The following HPSE2 variants were observed in gnomAD, a reference collection of about 807,000 sequenced individuals.
HPSE2 encodes inactive heparanase-2.
In HPSE2, 38 loss-of-function variants were observed where a neutral mutation model predicts 60.5. The ratio of observed to expected loss-of-function variants is 0.63; its 90% CI spans 0.48 to 0.82. The LOEUF is 0.82. Among genes scored for constraint, HPSE2 ranks in the 40% least tolerant of loss-of-function variants. The probability of loss-of-function intolerance (pLI) is 0.00; values close to 1 mark genes in which losing one functional copy is unlikely to be tolerated. For missense variants in HPSE2, 713 were observed against 740.4 expected (o/e 0.96, Z 0.43); for synonymous variants, 295 against 293.2 (o/e 1.01, Z -0.06).
At chr10:98,541,485 A>G (rs925937990) in intron 9 of HPSE2, among the ~76,000 whole-genome samples, 2 of 152,190 alleles carry the variant, frequency 1.3e-5, no homozygotes. Flanking sequence ...TGGGTGCAGC[A>G]CACCGTGCGC....
intron 3 of HPSE2, among the ~76,000 whole-genome samples, chr10:99,022,335 C>T (rs766729426): frequency 6.6e-6 from 1 of 152,170 alleles, no homozygotes; most frequent in Non-Finnish European, 1.5e-5. Context: ...CCAATCCCAG[C>T]TGTCTGAACT....
the HPSE2 span, among the ~76,000 whole-genome samples, chr10:99,264,990 A>G: frequency 2.6e-5 from 4 of 152,164 alleles, no homozygotes; most frequent in Non-Finnish European, 5.9e-5. Flanking sequence ...ATATAAGAAG[A>G]CAGGAATGTC....
chr10:99,151,887 A>C (rs1170750025), intron 2 of HPSE2, among the ~76,000 whole-genome samples: 2 of 152,148 alleles, frequency 1.3e-5, no homozygotes, highest in Non-Finnish European at 2.9e-5. Flanking sequence ...CTGCACTCCA[A>C]CCTGGGCAAC....
chr10:98,640,308 C>A (rs562556488), intron 7 of HPSE2, among the ~76,000 whole-genome samples: 26 of 152,298 alleles, frequency 1.7e-4, no homozygotes, highest in Admixed American at 1.1e-3. Context: ...AGAAATATTT[C>A]AAATCATTTA....
intron 2 of HPSE2, among the ~76,000 whole-genome samples, chr10:99,215,485 G>C (rs932965193): frequency 2.6e-5 from 4 of 152,162 alleles, no homozygotes; most frequent in African/African-American, 9.7e-5. Context: ...CGAAAGGAGG[G>C]AGAGCATCAG....
At chr10:98,710,634 A>G (rs969262979) in intron 5 of HPSE2, among the ~76,000 whole-genome samples, 2 of 152,218 alleles carry the variant, frequency 1.3e-5, no homozygotes, top group African/African-American at 4.8e-5. Flanking sequence ...TAAGCAGATT[A>G]TCTATTTTAC....
intron 4 of HPSE2, among the ~76,000 whole-genome samples, chr10:98,725,043 C>T (rs756849384): frequency 6.6e-6 from 1 of 152,046 alleles, no homozygotes; most frequent in Non-Finnish European, 1.5e-5. Context: ...GAATGAATAT[C>T]GTGAAAATGG....
At chr10:98,563,800 G>A (rs528982890) in intron 9 of HPSE2, among the ~76,000 whole-genome samples, 17 of 152,080 alleles carry the variant, frequency 1.1e-4, no homozygotes, top group African/African-American at 3.9e-4. Flanking sequence ...ATTCAAGATC[G>A]TAGTCTGCTT....
At chr10:99,044,097 A>T (rs1957802242) in intron 3 of HPSE2, among the ~76,000 whole-genome samples, 1 of 152,194 alleles carries the variant, frequency 6.6e-6, no homozygotes, top group Non-Finnish European at 1.5e-5. Flanking sequence ...TCTTAAAGGC[A>T]GCTAGAGAGA....
chr10:98,920,422 A>G (rs1954249547), intron 3 of HPSE2, among the ~76,000 whole-genome samples: 1 of 152,164 alleles, frequency 6.6e-6, no homozygotes, highest in Non-Finnish European at 1.5e-5. Context: ...GTCTAACTGC[A>G]TCTTGGTGTC....
chr10:99,081,388 A>G (rs903844577), intron 3 of HPSE2, among the ~76,000 whole-genome samples: 1 of 152,168 alleles, frequency 6.6e-6, no homozygotes, highest in South Asian at 2.1e-4. Flanking sequence ...CATTTAGCCT[A>G]TATGCTGAAT....
At position 98,459,614 on chromosome 10, in the gene HPSE2, A is replaced by G. The variant is rs754395789; in HGVS notation, c.1739T>C (p.Val580Ala). ...GGCCAAAGCATTGACATTCTTGACCACATAAAAGCCCATGGTGACTGGAGG... is the reference window on the plus strand; with the variant it reads ...GGCCAAAGCATTGACATTCTTGACCGCATAAAAGCCCATGGTGACTGGAGG... Reference protein sequence around the residue: ...VIPPVTMGFYVVKNVNALACR... With the variant: ...VIPPVTMGFYAVKNVNALACR... The change falls in exon 12 of 12, where the codon GTG becomes GCG. Residue 580 changes from valine to alanine, a missense_variant. By Grantham distance (64) the Val-to-Ala change is moderately conservative. Transcript: ENST00000370552. 1 of 1,614,140 alleles carries G rather than the reference A, an allele frequency of 6.2e-7. No homozygotes were observed. Among genetic ancestry groups the G allele is most frequent in the Admixed American group, 1.7e-5 (1 of 60,026 alleles).
chr10:99,163,698 T>C (rs1470341287), intron 2 of HPSE2, among the ~76,000 whole-genome samples: 1 of 152,136 alleles, frequency 6.6e-6, no homozygotes, highest in African/African-American at 2.4e-5. Context: ...CAGAATCCCA[T>C]ATTGCATTAG....
intron 3 of HPSE2, among the ~76,000 whole-genome samples, chr10:98,978,306 T>G (rs1956133374): frequency 6.6e-6 from 1 of 152,202 alleles, no homozygotes; most frequent in African/African-American, 2.4e-5. Context: ...AAATCCCTGT[T>G]ATTTATTATT....
intron 9 of HPSE2, among the ~76,000 whole-genome samples, chr10:98,548,970 G>A (rs576563543): frequency 2.6e-4 from 40 of 152,090 alleles, no homozygotes; most frequent in African/African-American, 9.4e-4. Context: ...CCCCACAATT[G>A]CACCTTCTTT....
chr10:98,633,300 A>C (rs1031146384), intron 7 of HPSE2, among the ~76,000 whole-genome samples: 8 of 152,126 alleles, frequency 5.3e-5, no homozygotes, highest in African/African-American at 1.9e-4. Context: ...CCTGGGCTCA[A>C]GCAATCCTCC....
intron 3 of HPSE2, among the ~76,000 whole-genome samples, chr10:99,035,912 T>A (rs576586541): frequency 3.8e-4 from 58 of 152,324 alleles, no homozygotes; most frequent in African/African-American, 1.3e-3. Context: ...GATAGTGGTC[T>A]CTAAACACCA....
At chr10:98,512,487 A>G (rs1942443363) in intron 9 of HPSE2, among the ~76,000 whole-genome samples, 1 of 151,842 alleles carries the variant, frequency 6.6e-6, no homozygotes, top group Non-Finnish European at 1.5e-5. Context: ...CGGGAGGCTG[A>G]GGTGGGAGAA....
At chr10:98,460,047 C>T (rs1940219784) in intron 11 of HPSE2, among the ~76,000 whole-genome samples, 1 of 152,104 alleles carries the variant, frequency 6.6e-6, no homozygotes, top group Admixed American at 6.5e-5. Flanking sequence ...CCCAGGTAGT[C>T]TACCTCCATA....
Sources: gnomAD v4.1 joint callset for allele counts (sites outside exome capture counted in the v4.1 genomes callset) on GRCh38, gnomAD v4.1.1 for gene constraint, MANE v1.5 for transcripts, NCBI Gene and HGNC (gene_info 2026-07-23, HGNC 2026-07-21) for gene names.